PPAN: variants seen among roughly 807,000 people sequenced by gnomAD.
PPAN encodes the protein peter pan homolog, also known as suppressor of SWI4 1 homolog.
Under a neutral mutation model 48.5 loss-of-function variants are expected in PPAN, and 39 were observed. The ratio of observed to expected loss-of-function variants is 0.80; its 90% CI spans 0.62 to 1.05. The LOEUF is 1.05. PPAN is among the 50% of genes least tolerant of loss of function. The pLI is 0.00. For synonymous variants in PPAN, 315 were observed against 268.6 expected, an observed-to-expected ratio of 1.17 and a Z score of -1.69; for missense variants, 736 against 661.7, an observed-to-expected ratio of 1.11 and a Z score of -1.23.
Position 10,107,813 on chromosome 19 carries a change from C to G in PPAN, c.301C>G (p.Arg101Gly). ...TETNVYFKLMRLPGGPTLTFQ... is the reference protein window; with the variant it reads ...TETNVYFKLMGLPGGPTLTFQ... ...TTTTCTTCTCCTGCAGAAGCTGATG[C>G]GCCTCCCAGGAGGCCCCACCTTGAC... The change falls in exon 4 of 12, where the codon CGC becomes GGC. Residue 101 changes from arginine (R) to glycine (G), a missense_variant. Transcript: ENST00000253107. 1 of 1,613,622 alleles carries G rather than the reference C, an allele frequency of 6.2e-7. No homozygotes were observed. The highest frequency in any genetic ancestry group is 8.5e-7 in the Non-Finnish European group (1 of 1,179,624).
At chr19:10,106,923 A>G (rs936574583) in intron 2 of PPAN, 3 of 665,100 alleles carry the variant, frequency 4.5e-6, no homozygotes, top group Non-Finnish European at 7.8e-6. Context: ...GTGGTGGCTC[A>G]TGCCTGTATT....
In PPAN at chr19:10,107,530, A is replaced by T. The variant is rs1397322561; in HGVS notation, c.215A>T (p.Asp72Val). 1 of 1,613,926 alleles carries T rather than the reference A, an allele frequency of 6.2e-7. No homozygotes were observed. Among genetic ancestry groups the T allele is most frequent in the Non-Finnish European group, 8.5e-7 (1 of 1,180,022 alleles). The change falls in exon 3 of 12, where the codon GAC (aspartate) becomes GTC (valine). Residue 72 changes from aspartate to valine, a missense_variant. Asp to Val is a radical substitution (Grantham distance 152). Coordinates refer to ENST00000253107, the MANE Select transcript of PPAN (RefSeq NM_020230.7). Reference sequence around the variant, plus strand: ...GTTCGTAAGAAGAACTCGCTGAAGGACTGCGTGGCAGTGGCTGGGCCCCTC... The same window carrying T: ...GTTCGTAAGAAGAACTCGCTGAAGGTCTGCGTGGCAGTGGCTGGGCCCCTC... ...LQVRKKNSLK[D>V]CVAVAGPLGV...
At position 10,106,588 on chromosome 19, in the gene PPAN, C is replaced by G. The variant is rs1466916852; in HGVS notation, c.106C>G (p.Arg36Gly). The G allele has an allele frequency of 1.3e-6, 2 of 1,551,320 alleles. No individual in the cohort carries two copies. Among genetic ancestry groups the G allele is most frequent in the Non-Finnish European group, 8.7e-7 (1 of 1,148,286 alleles). ...GAACCCGCACTCGTTCGTGTTCACGCGAGGCTGCACGGGTCGCAACATCCG... is the reference window on the plus strand; with the variant it reads ...GAACCCGCACTCGTTCGTGTTCACGGGAGGCTGCACGGGTCGCAACATCCG... ...AANPHSFVFT[R>G]GCTGRNIRQL... Residue 36 changes from arginine to glycine, a missense_variant, in exon 2 of 12, where the codon CGA becomes GGA. Arg to Gly is a moderately radical substitution (Grantham distance 125). Transcript: ENST00000253107.
Position 10,110,470 on chromosome 19 carries a change from C to T in PPAN, c.902-15C>T, listed in dbSNP as rs769072397. 5.6e-6 allele frequency: 9 copies of T among 1,612,454 alleles called. No individual in the cohort carries two copies. The highest frequency in any genetic ancestry group is 3.3e-5 in the Admixed American group (2 of 59,980). On this transcript the variant is annotated splice_polypyrimidine_tract_variant and intron_variant, in intron 9 of 11. Coordinates refer to ENST00000253107, the MANE Select transcript of PPAN (RefSeq NM_020230.7). This position sits in a 1 kb window ranked among gnomAD's most constrained non-coding sequence, Gnocchi z 5.9. ...GCTGCACCCGGATCTTGGTGACCCG[C>T]GTCTCTTGGCTCAGTGAGCAAGACG...
At position 10,110,423 on chromosome 19, in the gene PPAN, G is replaced by A. The variant is rs776043912; in HGVS notation, c.901+21G>A. On this transcript the variant is annotated intron_variant, in intron 9 of 11. Transcript: ENST00000253107. This position sits in a 1 kb window ranked among gnomAD's most constrained non-coding sequence, Gnocchi z 5.9. ...TTTTGGTGAGGCCGGGGCCGCCGGG[G>A]GTGGGGGGTCATGGGTGTGGAGCTG... is the stretch of plus-strand genomic sequence containing the variant. The A allele has an allele frequency of 1.9e-6, 3 of 1,613,002 alleles. No homozygotes were observed. Among genetic ancestry groups the A allele is most frequent in the Non-Finnish European group, 2.5e-6 (3 of 1,179,952 alleles).
chr19:10,110,203 G>A lies in PPAN; in HGVS notation c.779G>A (p.Arg260His), dbSNP rs757465737. 16 of 1,611,074 alleles carry A rather than the reference G, an allele frequency of 9.9e-6. No individual in the cohort carries two copies. The highest frequency in any genetic ancestry group is 1.3e-5 in the Non-Finnish European group (15 of 1,179,844). ...ITELPQAVAG[R>H]GNMRAQQSAV... ...GAGCTGCCTCAGGCTGTCGCTGGCC[G>A]TGGCAACATGCGGGCCCAGCAGAGT... Residue 260 changes from arginine to histidine, a missense_variant, in exon 8 of 12, where the codon CGT becomes CAT. By Grantham distance (29) the Arg-to-His change is conservative. Transcript: ENST00000253107. The surrounding 1 kb of genome is among the most constrained non-coding windows in gnomAD (Gnocchi z 5.9).
At position 10,107,856 on chromosome 19, in the gene PPAN, TGA is replaced by T. The variant is rs1333067168; in HGVS notation, c.342+6_342+7del. 2 of 1,613,154 alleles carry T rather than the reference TGA, an allele frequency of 1.2e-6. No homozygotes were observed. The highest frequency in any genetic ancestry group is 1.7e-6 in the Non-Finnish European group (2 of 1,179,364). On this transcript the variant is annotated splice_donor_region_variant and intron_variant, in intron 4 of 11. Coordinates refer to ENST00000253107, the MANE Select transcript of PPAN (RefSeq NM_020230.7). ...ACCTTGACCTTCCAGGTCAAGAAGG[TGA>T]GAGGGGTGGAGGTGGTACAAAGCCA...
In PPAN at chr19:10,110,122, G is replaced by C; in HGVS notation, c.699-1G>C. The C allele has an allele frequency of 1.9e-6, 3 of 1,610,622 alleles. No individual in the cohort carries two copies. The highest frequency in any genetic ancestry group is 2.5e-6 in the Non-Finnish European group (3 of 1,179,764). On this transcript the variant is annotated splice_acceptor_variant, in intron 7 of 11. Transcript: ENST00000253107. LOFTEE classifies it high-confidence loss of function. This position sits in a 1 kb window ranked among gnomAD's most constrained non-coding sequence, Gnocchi z 5.9. ...TGAGCCCTGTTATGTCCTACACACAGGGGCGCGGGGCTGTCGGAGAGCGAG... is the reference window on the plus strand; with the variant it reads ...TGAGCCCTGTTATGTCCTACACACACGGGCGCGGGGCTGTCGGAGAGCGAG...
rs1387108371 is a variant in PPAN at position 10,111,017 on chromosome 19, A to G, written c.1274A>G (p.Asp425Gly). Residue 425 changes from aspartate to glycine, a missense_variant, in exon 12 of 12, where the codon GAT becomes GGT. Coordinates refer to ENST00000253107, the MANE Select transcript of PPAN (RefSeq NM_020230.7). Reference sequence around the variant, plus strand: ...CGGAAGCGGAAGCGGTGGGAAATGGATCGAGGCAGGGGTCGCCTTTGTGAC... The same window carrying G: ...CGGAAGCGGAAGCGGTGGGAAATGGGTCGAGGCAGGGGTCGCCTTTGTGAC... ...PGRKRKRWEM[D>G]RGRGRLCDQK... The G allele has an allele frequency of 4.3e-6, 7 of 1,613,538 alleles. No homozygotes were observed. The highest frequency in any genetic ancestry group is 2.2e-5 in the South Asian group (2 of 91,070).
chr19:10,111,134 G>C lies in PPAN; in HGVS notation c.1391G>C (p.Gly464Ala). The change falls in exon 12 of 12, where the codon GGC becomes GCC. Residue 464 changes from glycine (G) to alanine (A), a missense_variant. Gly to Ala is a moderately conservative substitution (Grantham distance 60, BLOSUM62 0). Transcript: ENST00000253107. ...TCCCGGGATGGTGGGCGAGGCCGGG[G>C]CCGGGGCCGCCCAGGGAAGAGAGTG... ...GASRDGGRGRGRGRPGKRVA is the reference protein window; with the variant it reads ...GASRDGGRGRARGRPGKRVA The C allele has an allele frequency of 6.2e-7, 1 of 1,604,460 alleles. No homozygotes were observed. Among genetic ancestry groups the C allele is most frequent in the South Asian group, 1.1e-5 (1 of 90,660 alleles).
rs1243750940 is a variant in PPAN, at chr19:10,111,643, G to A, written c.*478G>A. 34 of 1,574,150 alleles carry A rather than the reference G, an allele frequency of 2.2e-5. No individual in the cohort carries two copies. Among genetic ancestry groups the A allele is most frequent in the Non-Finnish European group, 2.7e-5 (31 of 1,145,478 alleles). On this transcript the variant is annotated 3_prime_UTR_variant, in exon 12 of 12. Coordinates refer to ENST00000253107, the MANE Select transcript of PPAN (RefSeq NM_020230.7). ...GTAACTGGGGATGGGGCTGGGGCAG[G>A]GCCCACTAAGCCACTGGTGACTGGG...
rs760050931 is a variant in PPAN, at chr19:10,110,326, C to T, written c.825C>T (p.Ile275=). ...ACGCTTCTTCCTCGTCCCCTCAGAT[C>T]GGCCCGCGGATGACACTGCAGCTCA... The part of the protein sequence containing the change: ...AQQSAVRLTE[I]GPRMTLQLIK... Residue 275 remains isoleucine (I), a splice_region_variant and synonymous_variant, in exon 9 of 12, where the codon ATC becomes ATT. Transcript: ENST00000253107. This position sits in a 1 kb window ranked among gnomAD's most constrained non-coding sequence, Gnocchi z 5.9. 3.7e-6 allele frequency: 6 copies of T among 1,613,706 alleles called. No homozygotes were observed. Among genetic ancestry groups the T allele is most frequent in the Non-Finnish European group, 5.1e-6 (6 of 1,179,936 alleles).
At chr19:10,109,486 G>A (rs754828908) in intron 5 of PPAN, 145 bp from the exon 6 acceptor site, 6 of 976,238 alleles carry the variant, frequency 6.1e-6, no homozygotes, top group Non-Finnish European at 7.6e-6. Flanking sequence ...AGCCTCTGGA[G>A]TAGCTAAAAC....
chr19:10,111,596 G>C lies in PPAN; in HGVS notation c.*431G>C. On this transcript the variant is annotated 3_prime_UTR_variant, in exon 12 of 12. Transcript: ENST00000253107. ...GAAACGTGGGTGGAAAGGCACGCTGGCCTGCTCTGCTGGCTGGGCCAGTAA... is the reference window on the plus strand; with the variant it reads ...GAAACGTGGGTGGAAAGGCACGCTGCCCTGCTCTGCTGGCTGGGCCAGTAA... 2 of 1,215,314 alleles carry C rather than the reference G, an allele frequency of 1.6e-6. No homozygotes were observed. Among genetic ancestry groups the C allele is most frequent in the Non-Finnish European group, 2.4e-6 (2 of 831,424 alleles). 75.3% of individuals were successfully genotyped at this position (1,215,314 alleles called of 1,614,324 possible).
chr19:10,108,015 G>A lies in PPAN; in HGVS notation c.394G>A (p.Glu132Lys), dbSNP rs376806005. 8.9e-5 allele frequency: 144 copies of A among 1,613,366 alleles called. No homozygotes were observed. The highest frequency in any genetic ancestry group is 1.2e-4 in the Non-Finnish European group (140 of 1,179,682). Residue 132 changes from glutamate to lysine, a missense_variant, in exon 5 of 12, where the codon GAG becomes AAG. By Grantham distance (56) the Glu-to-Lys change is moderately conservative. Transcript: ENST00000253107. ...VSSLRRHRMH[E>K]QQFAHPPLLV... ...CTCACTGCGCCGGCACCGCATGCAC[G>A]AGCAGCAGTTTGCCCACCCACCCCT...
At chr19:10,106,340 G>C (rs1397710664), upstream of PPAN, 2 of 1,547,872 alleles carry the variant, frequency 1.3e-6, no homozygotes, top group South Asian at 1.2e-5. Context: ...CCGGAAGTGA[G>C]CTGCGCAGCG....
chr19:10,107,571 C>A lies in PPAN; in HGVS notation c.256C>A (p.Leu86Met). 1 of 1,614,174 alleles carries A rather than the reference C, an allele frequency of 6.2e-7. No individual in the cohort carries two copies. Among genetic ancestry groups the A allele is most frequent in the Middle Eastern group, 1.6e-4 (1 of 6,062 alleles). ...VAGPLGVTHFLILSKTETNVY... is the reference protein window; with the variant it reads ...VAGPLGVTHFMILSKTETNVY... ...TGGGCCCCTCGGGGTCACACACTTT[C>A]TGATCCTGAGCAAAACAGAGACCAA... The change falls in exon 3 of 12, where the codon CTG becomes ATG. Residue 86 changes from leucine to methionine, a missense_variant. Transcript: ENST00000253107.
At position 10,106,536 on chromosome 19, in the gene PPAN, G is replaced by C. The variant is rs781598891; in HGVS notation, c.54G>C (p.Gln18His). The C allele has an allele frequency of 2.8e-5, 44 of 1,554,072 alleles. No individual in the cohort carries two copies. The highest frequency in any genetic ancestry group is 3.7e-5 in the Non-Finnish European group (42 of 1,148,978). Residue 18 changes from glutamine (Q) to histidine (H), a missense_variant, in exon 2 of 12, where the codon CAG becomes CAC. Gln to His is a conservative substitution (Grantham distance 24). Transcript: ENST00000253107. ...AGAAGCGCGCCCGCGCCCAGGCGCA[G>C]CTCCGCAACCTCGAGGCCTATGCCG... is the stretch of plus-strand genomic sequence containing the variant. ...RHQKRARAQA[Q>H]LRNLEAYAAN...
Position 10,110,087 on chromosome 19 carries a change from G to GC in PPAN, c.699-35dup. On this transcript the variant is annotated intron_variant, in intron 7 of 11. Transcript: ENST00000253107. The surrounding 1 kb of genome is among the most constrained non-coding windows in gnomAD (Gnocchi z 5.9). The stretch of plus-strand genomic sequence containing the variant: ...CCCCAGAACAGGACCGGGAGCCTGA[G>GC]CTCCCCCACTGAGCCCTGTTATGTC... 2 of 1,609,732 alleles carry GC rather than the reference G, an allele frequency of 1.2e-6. No homozygotes were observed. Among genetic ancestry groups the GC allele is most frequent in the South Asian group, 2.2e-5 (2 of 91,044 alleles).
Sources: gnomAD v4.1 joint callset for allele counts on GRCh38, gnomAD v4.1.1 for gene constraint, Gnocchi (gnomAD v3.1) non-coding constraint, MANE v1.5 for transcripts, NCBI Gene and HGNC (gene_info 2026-07-23, HGNC 2026-07-21) for gene names.